Variants in DMXL1 observed in about 807,000 individuals in gnomAD.
DMXL1 encodes the protein Dmx like 1.
A neutral mutation model predicts 319.2 loss-of-function variants in DMXL1; 99 were observed. The ratio of observed to expected loss-of-function variants is 0.31; its 90% CI spans 0.26 to 0.37. The LOEUF (loss-of-function observed/expected upper bound fraction) is 0.37. Among genes scored for constraint, DMXL1 ranks in the 10% least tolerant of loss-of-function variants. The pLI, the probability that DMXL1 is intolerant of heterozygous loss-of-function variation, is 1.00. For missense variants in DMXL1, 3,745 were observed against 3,595.6 expected (o/e 1.04, Z -1.06); for synonymous variants, 1,385 against 1,235.2 (o/e 1.12, Z -2.54).
chr5:119,179,394 C>T (rs1776405150), intron 28 of DMXL1, among the ~76,000 whole-genome samples: 1 of 151,206 alleles, frequency 6.6e-6, no homozygotes, highest in Non-Finnish European at 1.5e-5. Context: ...TCACTTCTTC[C>T]CTGACGTTTA....
rs991872481 is a variant in DMXL1 at position 119,159,325 on chromosome 5, G to A, written c.4703-5182G>A. Among the ~76,000 whole-genome samples, 4 of 152,214 alleles carry A rather than the reference G, an allele frequency of 2.6e-5. 1 individual carries two copies. Among genetic ancestry groups the A allele is most frequent in the African/African-American group, 9.7e-5 (4 of 41,450 alleles). On this transcript the variant is annotated intron_variant, in intron 19 of 43. Transcript: ENST00000539542. ...TTGGCAAGGCTGGTTTGGAACTTCTGACCTCAAGTAATCTGCCTGCCTTGG... is the reference window on the plus strand; with the variant it reads ...TTGGCAAGGCTGGTTTGGAACTTCTAACCTCAAGTAATCTGCCTGCCTTGG...
At chr5:119,153,962 A>T (rs543170044) in intron 19 of DMXL1, among the ~76,000 whole-genome samples, 46 of 152,300 alleles carry the variant, frequency 3.0e-4, no homozygotes, top group African/African-American at 1.1e-3. Context: ...CAATATTTCA[A>T]ACTTTTTCTG....
chr5:119,118,063 T>C (rs1012695474), intron 7 of DMXL1, among the ~76,000 whole-genome samples: 2 of 152,246 alleles, frequency 1.3e-5, no homozygotes, highest in Non-Finnish European at 2.9e-5. Flanking sequence ...GGCTTTGAGC[T>C]CTTGTTGCTT....
Position 119,178,078 on chromosome 5 carries a change from C to T in DMXL1, c.6969C>T (p.Leu2323=). Residue 2323 remains leucine, a synonymous_variant, in exon 28 of 44, where the codon CTC becomes CTT. Transcript: ENST00000539542. ...TTACAGTCTTGCTCTGTGAGATTCT[C>T]ACAGCAGTGTATCTTAGTCTCTTCA... is the stretch of plus-strand genomic sequence containing the variant. ...SGLTVLLCEI[L]TAVYLSLFIH... 1 of 1,613,988 alleles carries T rather than the reference C, an allele frequency of 6.2e-7. No individual in the cohort carries two copies. The highest frequency in any genetic ancestry group is 8.5e-7 in the Non-Finnish European group (1 of 1,179,864).
At position 119,177,478 on chromosome 5, in the gene DMXL1, T is replaced by A; in HGVS notation, c.6880T>A (p.Trp2294Arg). The A allele has an allele frequency of 6.3e-7, 1 of 1,597,124 alleles. No individual in the cohort carries two copies. The highest frequency in any genetic ancestry group is 8.5e-7 in the Non-Finnish European group (1 of 1,173,650). The change falls in exon 27 of 44, where the codon TGG (tryptophan) becomes AGG (arginine). Residue 2294 changes from tryptophan (W) to arginine (R), a missense_variant. Coordinates refer to ENST00000539542, the MANE Select transcript of DMXL1 (RefSeq NM_001290321.3). The stretch of plus-strand genomic sequence containing the variant: ...AACTCCCAATACGTCACCAGCTCAA[T>A]GGCCAGGTATAATTTTTATGTATAG... ...ALTPNTSPAQ[W>R]PGITCLIRLL...
At chr5:119,132,139 T>C (rs1047777718) in intron 10 of DMXL1, among the ~76,000 whole-genome samples, 1 of 152,178 alleles carries the variant, frequency 6.6e-6, no homozygotes, top group Non-Finnish European at 1.5e-5. Context: ...CGGGCTGTGA[T>C]AGATTGAACC....
At chr5:119,179,741 A>G (rs939267145) in intron 28 of DMXL1, among the ~76,000 whole-genome samples, 1 of 152,102 alleles carries the variant, frequency 6.6e-6, no homozygotes. Flanking sequence ...CCTAGCTTCT[A>G]CTTCCTCTCC....
rs1341680463 is a variant in DMXL1 at position 119,144,583 on chromosome 5, T to G, written c.2514T>G (p.Ile838Met). 6.2e-7 allele frequency: 1 copy of G among 1,601,880 alleles called. No individual in the cohort carries two copies. Among genetic ancestry groups the G allele is most frequent in the African/African-American group, 1.3e-5 (1 of 74,158 alleles). ...TTCATGTTTTTGAAGAAGACTTCAT[T>G]TTGAATAACCTTGAGAAGAAAAGCC... ...QLLHVFEEDFILNNLEKKSLG... is the reference protein window; with the variant it reads ...QLLHVFEEDFMLNNLEKKSLG... The change falls in exon 15 of 44, where the codon ATT becomes ATG. Residue 838 changes from isoleucine (I) to methionine (M), a missense_variant. Transcript: ENST00000539542.
intron 19 of DMXL1, among the ~76,000 whole-genome samples, chr5:119,153,587 C>T (rs1770319076): frequency 6.6e-6 from 1 of 152,162 alleles, no homozygotes; most frequent in African/African-American, 2.4e-5. Flanking sequence ...TCATCCTGTC[C>T]CCAGCCTTGG....
At chr5:119,143,555 A>G (rs947650580) in intron 13 of DMXL1, among the ~76,000 whole-genome samples, 4 of 152,052 alleles carry the variant, frequency 2.6e-5, no homozygotes, top group African/African-American at 4.8e-5. Flanking sequence ...GAACATTTCT[A>G]GGAGATTGAA....
At chr5:119,168,267 T>C (rs11241493) in intron 23 of DMXL1, among the ~76,000 whole-genome samples, 26,374 of 152,204 alleles carry the variant, frequency 0.17, 2,932 homozygotes, top group Non-Finnish European at 0.26. Flanking sequence ...AGAAAATCTT[T>C]AGCTAGATGA....
chr5:119,105,257 A>C lies in DMXL1; in HGVS notation c.363A>C (p.Thr121=). The change falls in exon 4 of 44, where the codon ACA becomes ACC. Residue 121 remains threonine (T), a splice_region_variant and synonymous_variant. Coordinates refer to ENST00000539542, the MANE Select transcript of DMXL1 (RefSeq NM_001290321.3). The part of the protein sequence containing the change: ...SIAHNITWDP[T]GSRLLTGSSY... ...CACACAATATAACCTGGGATCCCAC[A>C]GGTAAGAAAATAAGCAGGATTAACT... 3.7e-6 allele frequency: 6 copies of C among 1,611,132 alleles called. No homozygotes were observed. Among genetic ancestry groups the C allele is most frequent in the South Asian group, 1.1e-5 (1 of 90,856 alleles).
At chr5:119,176,833 T>G (rs1775893733) in intron 26 of DMXL1, among the ~76,000 whole-genome samples, 1 of 152,134 alleles carries the variant, frequency 6.6e-6, no homozygotes, top group African/African-American at 2.4e-5. Context: ...TCCTGAATTC[T>G]CAAATTGTGT....
chr5:119,201,968 T>C (rs1351688998), intron 32 of DMXL1, among the ~76,000 whole-genome samples: 1 of 152,190 alleles, frequency 6.6e-6, no homozygotes, highest in Non-Finnish European at 1.5e-5. Context: ...TTTTCTTTTT[T>C]ATTAGTCTAG....
At position 119,247,513 on chromosome 5, in the gene DMXL1, T is replaced by C. The variant is rs1278873821; in HGVS notation, c.*294T>C. ...GTGTTTTGTTTTCTTATTGATACTT[T>C]TCCACAGGCATCTCTGCATGAATTT... On this transcript the variant is annotated 3_prime_UTR_variant, in exon 44 of 44. Transcript: ENST00000539542. The C allele has an allele frequency of 5.4e-6, 1 of 186,830 alleles. No individual in the cohort carries two copies. Among genetic ancestry groups the C allele is most frequent in the Non-Finnish European group, 1.1e-5 (1 of 89,806 alleles). 11.6% of individuals were successfully genotyped at this position (186,830 alleles called of 1,614,324 possible). A position where few individuals can be genotyped will look rare whatever the true frequency, so the allele number is the denominator to read the frequency against.
intron 30 of DMXL1, among the ~76,000 whole-genome samples, chr5:119,195,970 A>G (rs578137546): frequency 9.0e-4 from 137 of 152,292 alleles, no homozygotes; most frequent in Non-Finnish European, 1.5e-3. Context: ...AAGCAAAAGC[A>G]TCTATCTAAA....
At chr5:119,134,873 A>G (rs185023858) in intron 13 of DMXL1, among the ~76,000 whole-genome samples, 24 of 152,336 alleles carry the variant, frequency 1.6e-4, no homozygotes, top group Admixed American at 1.3e-3. Context: ...ACAACCTTCT[A>G]ACTGCATTGT....
chr5:119,196,305 A>G (rs1366276072), intron 30 of DMXL1, 66 bp from the exon 31 acceptor site: 1 of 1,229,074 alleles, frequency 8.1e-7, no homozygotes, highest in Non-Finnish European at 1.2e-6. Context: ...GTTGAGTCAA[A>G]GGGTAGTATA....
At position 119,173,674 on chromosome 5, in the gene DMXL1, G is replaced by A. The variant is rs185722663; in HGVS notation, c.6682-1587G>A. Reference sequence around the variant, plus strand: ...AAGAAACAGAATCAGTAGGATGTATGTGTGTGTGTGTGTGTGTGTGTGTGT... The same window carrying A: ...AAGAAACAGAATCAGTAGGATGTATATGTGTGTGTGTGTGTGTGTGTGTGT... On this transcript the variant is annotated intron_variant, in intron 25 of 43. Transcript: ENST00000539542. 1.8e-4 allele frequency among the ~76,000 whole-genome samples: 19 copies of A among 104,966 alleles called. 1 individual carries two copies. The South Asian group carries it at 5.5e-3, about 30-fold the overall frequency. 68.9% of individuals were successfully genotyped at this position (104,966 alleles called of 152,430 possible).
Sources: allele counts gnomAD v4.1 joint callset (sites outside exome capture counted in the v4.1 genomes callset), GRCh38; gene constraint gnomAD v4.1.1; transcripts MANE v1.5; gene names NCBI Gene and HGNC (gene_info 2026-07-23, HGNC 2026-07-21).